Variants in FOXP2 observed in about 807,000 individuals in gnomAD.
FOXP2 encodes the protein forkhead box P2, also known as forkhead box protein P2.
In FOXP2, 12 loss-of-function variants were observed where a neutral mutation model predicts 115.8. That is an observed-to-expected ratio of 0.10 (90% CI 0.07 to 0.17). The LOEUF is 0.17. Ranked by LOEUF, FOXP2 falls within the 10% of genes least tolerant of loss-of-function variation. FOXP2 has a pLI of 1.00. For missense variants in FOXP2, 629 were observed against 843.5 expected, an observed-to-expected ratio of 0.75 and a Z score of 3.15; for synonymous variants, 328 against 297.7, an observed-to-expected ratio of 1.10 and a Z score of -1.05.
chr7:114,450,167 AT>A (rs1795009567), intron 2 of FOXP2, among the ~76,000 whole-genome samples: 2 of 152,202 alleles, frequency 1.3e-5, no homozygotes, highest in African/African-American at 4.8e-5. Context: ...TGTTGATATG[AT>A]TTCTGCAGGT....
At chr7:114,288,124 G>A (rs1052320210) in intron 2 of FOXP2, 2 of 451,556 alleles carry the variant, frequency 4.4e-6, no homozygotes, top group African/African-American at 4.0e-5. Flanking sequence ...GTGTCCTTTT[G>A]GTAAAAATTC....
At chr7:114,671,569 AC>A in intron 16 of FOXP2, among the ~76,000 whole-genome samples, 1 of 152,322 alleles carries the variant, frequency 6.6e-6, no homozygotes, top group African/African-American at 2.4e-5. Context: ...TTGCACTAAC[AC>A]TAGTTGAGCC....
chr7:114,325,474 T>A (rs535174030), intron 2 of FOXP2, among the ~76,000 whole-genome samples: 4 of 152,136 alleles, frequency 2.6e-5, no homozygotes, highest in African/African-American at 9.6e-5. Context: ...TATATGAAGT[T>A]AAAATACAAA....
At chr7:114,331,377 G>A (rs1355881243) in intron 2 of FOXP2, among the ~76,000 whole-genome samples, 3 of 152,098 alleles carry the variant, frequency 2.0e-5, no homozygotes, top group East Asian at 1.9e-4. Flanking sequence ...GTGATCAAAT[G>A]TAAAGGAATT....
intron 2 of FOXP2, among the ~76,000 whole-genome samples, chr7:114,469,687 A>C (rs2129229528): frequency 6.6e-6 from 1 of 152,308 alleles, no homozygotes; most frequent in South Asian, 2.1e-4. Context: ...GAAAGTGTGT[A>C]ACTGGAATAG....
In FOXP2 at chr7:114,547,750, C is replaced by G. The variant is rs879218325; in HGVS notation, c.258+13044C>G. ...CTCCAGCCTGGGCAACAGAGCGAGACGTCGTCTCAAAAAAAAAGAAATGTA... is the reference window on the plus strand; with the variant it reads ...CTCCAGCCTGGGCAACAGAGCGAGAGGTCGTCTCAAAAAAAAAGAAATGTA... On this transcript the variant is annotated intron_variant, in intron 3 of 16. Transcript: ENST00000350908. Among the ~76,000 whole-genome samples the G allele has an allele frequency of 4.6e-5, 7 of 151,394 alleles. No homozygotes were observed. The South Asian group carries it at 1.5e-3, about 31-fold the overall frequency.
intron 2 of FOXP2, among the ~76,000 whole-genome samples, chr7:114,514,999 A>T (rs1243171836): frequency 6.6e-6 from 1 of 151,704 alleles, no homozygotes; most frequent in Admixed American, 6.6e-5. Context: ...TAGTTTACTG[A>T]GAACGATGAT....
chr7:114,362,784 T>G (rs1354249648), intron 2 of FOXP2, among the ~76,000 whole-genome samples: 2 of 144,582 alleles, frequency 1.4e-5, no homozygotes, highest in Admixed American at 1.4e-4. Flanking sequence ...ATATAATTAC[T>G]TCTGATTATA....
chr7:114,111,069 A>C (rs957736650), intron 1 of FOXP2, among the ~76,000 whole-genome samples: 1 of 152,112 alleles, frequency 6.6e-6, no homozygotes, highest in Non-Finnish European at 1.5e-5. Flanking sequence ...TAGAAGAAGA[A>C]GTAACAGCCC....
intron 1 of FOXP2, among the ~76,000 whole-genome samples, chr7:114,147,530 A>C (rs1792409096): frequency 6.6e-6 from 1 of 152,106 alleles, no homozygotes; most frequent in Non-Finnish European, 1.5e-5. Context: ...GTATACCCAG[A>C]CTGCATGCAC....
At chr7:114,328,299 C>G (rs1423580545) in intron 2 of FOXP2, among the ~76,000 whole-genome samples, 4 of 147,310 alleles carry the variant, frequency 2.7e-5, no homozygotes, top group Non-Finnish European at 5.9e-5. Context: ...TCCAGTGGCG[C>G]GATCTCGGCT....
Position 114,294,275 on chromosome 7 carries a change from A to G in FOXP2, c.-11+6166A>G, listed in dbSNP as rs1263565005. ...CTGGTCTGATACTCATTCTTTGTAG[A>G]AGAGCTGCTTGGAATAAATACCCAT... On this transcript the variant is annotated intron_variant, in intron 2 of 17. Coordinates refer to the FOXP2 transcript ENST00000634411. Among the ~76,000 whole-genome samples the G allele has an allele frequency of 2.0e-5, 3 of 152,120 alleles. No individual in the cohort carries two copies. In the South Asian group the frequency reaches 6.2e-4, roughly 31 times the overall value.
intron 2 of FOXP2, among the ~76,000 whole-genome samples, chr7:114,449,236 A>T (rs1794965506): frequency 6.6e-6 from 1 of 152,066 alleles, no homozygotes; most frequent in South Asian, 2.1e-4. Context: ...CTTTAAGTAG[A>T]TAGAGGATCT....
At chr7:114,220,621 A>T (rs1281013257) in intron 1 of FOXP2, among the ~76,000 whole-genome samples, 2 of 152,162 alleles carry the variant, frequency 1.3e-5, no homozygotes, top group Non-Finnish European at 2.9e-5. Flanking sequence ...TAGTTAATCT[A>T]ATGCATGTTA....
At chr7:114,430,699 G>C (rs1162893959) in intron 2 of FOXP2, among the ~76,000 whole-genome samples, 1 of 151,808 alleles carries the variant, frequency 6.6e-6, no homozygotes, top group South Asian at 2.1e-4. Context: ...CAATTCCTGT[G>C]AAGCTGATCT....
rs563961431 is a variant in FOXP2, at chr7:114,330,480, G to A, written c.-11+42371G>A. Among the ~76,000 whole-genome samples the A allele has an allele frequency of 8.3e-3, 911 of 109,392 alleles. 8 individuals are homozygous for A. Among genetic ancestry groups the A allele is most frequent in the African/African-American group, 0.024 (880 of 36,004 alleles). 71.8% of individuals were successfully genotyped at this position (109,392 alleles called of 152,430 possible). A position where few individuals can be genotyped will look rare whatever the true frequency, so the allele number is the denominator to read the frequency against. On this transcript the variant is annotated intron_variant, in intron 2 of 17. Transcript: ENST00000634411. ...AGATCTTGTCTCTAAAAAAAAAAAA[G>A]TTTATATATATATATATGTGTATAT...
chr7:114,304,734 A>G (rs1467356142), intron 2 of FOXP2, among the ~76,000 whole-genome samples: 2 of 149,570 alleles, frequency 1.3e-5, no homozygotes, highest in Non-Finnish European at 1.5e-5. Context: ...TGAAGTTCAG[A>G]TGATTTCTTT....
At chr7:114,088,468 G>T (rs1799472662) in intron 1 of FOXP2, among the ~76,000 whole-genome samples, 1 of 152,222 alleles carries the variant, frequency 6.6e-6, no homozygotes, top group Admixed American at 6.5e-5. Flanking sequence ...TTGTCAAGCA[G>T]CTGAAGTGGA....
chr7:114,666,763 A>G (rs1401793784), intron 16 of FOXP2: 2 of 152,166 alleles, frequency 1.3e-5, no homozygotes, highest in East Asian at 3.8e-4. Flanking sequence ...TTCCAGATTC[A>G]ATAGTTAATA....
Sources: allele counts gnomAD v4.1 joint callset (sites outside exome capture counted in the v4.1 genomes callset), GRCh38; gene constraint gnomAD v4.1.1; transcripts MANE v1.5; gene names NCBI Gene and HGNC (gene_info 2026-07-23, HGNC 2026-07-21).